Variants in ADCY7 observed in about 807,000 individuals in gnomAD.
ADCY7 encodes the protein adenylate cyclase 7, also known as adenylate cyclase type 7.
ADCY7 carries 72 observed loss-of-function variants against 120.6 expected under a neutral mutation model. That is an observed-to-expected ratio of 0.60 (90% confidence interval 0.49 to 0.73). The LOEUF is 0.73. Among genes scored for constraint, ADCY7 ranks in the 30% least tolerant of loss-of-function variants. ADCY7 has a pLI of 0.00. For synonymous variants in ADCY7, 661 were observed against 628.0 expected, an observed-to-expected ratio of 1.05 and a Z score of -0.78; for missense variants, 1,227 against 1,486.0, an observed-to-expected ratio of 0.83 and a Z score of 2.87.
At position 50,312,205 on chromosome 16, in the gene ADCY7, G is replaced by A. The variant is rs1199222882; in HGVS notation, c.2604+14G>A. The stretch of plus-strand genomic sequence containing the variant: ...AAGTTAAACGAGGTGTGCTGAGAAG[G>A]GGCTGGGGCGGGGGCAGGGAGGCGG... On this transcript the variant is annotated intron_variant, in intron 21 of 25. Transcript: ENST00000673801. The A allele has an allele frequency of 4.9e-6, 5 of 1,019,902 alleles. No individual in the cohort carries two copies. The highest frequency in any genetic ancestry group is 6.4e-6 in the Non-Finnish European group (5 of 782,916). The allele number at this position is 1,019,902 out of a possible 1,614,324, so 63.2% of individuals were successfully genotyped here. A position where few individuals can be genotyped will look rare whatever the true frequency, so the allele number is the denominator to read the frequency against.
rs912535144 is a variant in ADCY7, at chr16:50,298,661, C to T, written c.949-243C>T. On this transcript the variant is annotated intron_variant, in intron 7 of 25. Coordinates refer to ENST00000673801, the MANE Select transcript of ADCY7 (RefSeq NM_001114.5). ...AAATGAAACCAAGGCAGACCCCTCC[C>T]CGAGGCCCTTAGGAACACTCGTGTT... Among the ~76,000 whole-genome samples the T allele has an allele frequency of 3.9e-5, 6 of 152,220 alleles. No homozygotes were observed. The East Asian group carries it at 1.2e-3, about 29-fold the overall frequency.
chr16:50,311,812 C>CCCCCA, intron 20 of ADCY7, 26 bp downstream of exon 20: 1 of 1,341,754 alleles, frequency 7.5e-7, no homozygotes, highest in Non-Finnish European at 1.0e-6. Context: ...CCCCCCCCCC[C>CCCCCA]CCCAAGCTCT....
At chr16:50,269,815 G>A (rs114330861) in intron 1 of ADCY7, among the ~76,000 whole-genome samples, 1,907 of 152,322 alleles carry the variant, frequency 0.013, 38 homozygotes, top group African/African-American at 0.043. Flanking sequence ...AGCATGCAGA[G>A]TGGGTCACAG....
At position 50,290,630 on chromosome 16, in the gene ADCY7, A is replaced by G. The variant is rs370202574; in HGVS notation, c.345A>G (p.Ala115=). ...VALGYVLVFD[A]WTKAACAWEQ... ...TGGGCTATGTGCTGGTGTTCGACGC[A>G]TGGACAAAGGCGGCCTGTGCGTGGG... The change falls in exon 3 of 26, where the codon GCA becomes GCG. Residue 115 remains alanine (A), a synonymous_variant. Transcript: ENST00000673801. 9 of 1,614,024 alleles carry G rather than the reference A, an allele frequency of 5.6e-6. No homozygotes were observed. The highest frequency in any genetic ancestry group is 6.8e-6 in the Non-Finnish European group (8 of 1,179,958).
intron 1 of ADCY7, among the ~76,000 whole-genome samples, chr16:50,250,401 G>A (rs1379881942): frequency 6.8e-6 from 1 of 146,764 alleles, no homozygotes; most frequent in South Asian, 2.1e-4. Flanking sequence ...AGGTTGCAGT[G>A]AGCCGAGATC....
intron 1 of ADCY7, among the ~76,000 whole-genome samples, chr16:50,250,546 A>G (rs939663211): frequency 5.3e-5 from 8 of 150,708 alleles, no homozygotes; most frequent in Non-Finnish European, 8.8e-5. Flanking sequence ...TGGGAGGTTG[A>G]GGTGGGTGGA....
rs751575838 is a variant in ADCY7, at chr16:50,304,557, T to TC, written c.1560+11dup. On this transcript the variant is annotated splice_region_variant and intron_variant, in intron 11 of 25. Transcript: ENST00000673801. ...CCAACGGGCGGAGGCCTAAGGTAGGTCCCCCTCCCACCCAGAAAGCCAGGG... is the reference window on the plus strand; with the variant it reads ...CCAACGGGCGGAGGCCTAAGGTAGGTCCCCCCTCCCACCCAGAAAGCCAGGG... 1.5e-5 allele frequency: 23 copies of TC among 1,525,880 alleles called. No individual in the cohort carries two copies. The highest frequency in any genetic ancestry group is 4.2e-5 in the Admixed American group (2 of 47,236). The allele number at this position is 1,525,880 out of a possible 1,614,324, so 94.5% of individuals were successfully genotyped here. A position where few individuals can be genotyped will look rare whatever the true frequency, so the allele number is the denominator to read the frequency against.
At chr16:50,310,645 TG>T in intron 18 of ADCY7, 41 bp from the exon 19 acceptor site, 1 of 1,607,624 alleles carries the variant, frequency 6.2e-7, no homozygotes. Flanking sequence ...CGAGAGTACG[TG>T]GTGGGGTGGC....
intron 1 of ADCY7, among the ~76,000 whole-genome samples, chr16:50,280,981 A>AG (rs2034223212): frequency 6.9e-6 from 1 of 145,284 alleles, no homozygotes; most frequent in Admixed American, 6.8e-5. Flanking sequence ...GGGGCTATGG[A>AG]GGGGGAGCAG....
intron 18 of ADCY7, chr16:50,310,374 G>A (rs2036374624): frequency 1.6e-6 from 2 of 1,281,148 alleles, no homozygotes; most frequent in African/African-American, 1.5e-5. Flanking sequence ...GGGAGGGTAA[G>A]CTCACAAAAA....
intron 1 of ADCY7, among the ~76,000 whole-genome samples, chr16:50,257,597 A>C (rs2032951020): frequency 6.6e-6 from 1 of 152,130 alleles, no homozygotes. Flanking sequence ...AATTTACAAT[A>C]AAATTAAAAA....
intron 17 of ADCY7, chr16:50,309,344 C>G: frequency 1.8e-6 from 1 of 542,126 alleles, no homozygotes. Context: ...TGTCTGCACC[C>G]TCATCTCCTA....
At chr16:50,289,332 G>A (rs908640928) in intron 2 of ADCY7, 8 of 441,932 alleles carry the variant, frequency 1.8e-5, no homozygotes, top group East Asian at 7.9e-5. Context: ...CACTGTGCCC[G>A]GCCTCAGAAT....
At chr16:50,296,182 A>G (rs2035337507) in intron 7 of ADCY7, among the ~76,000 whole-genome samples, 1 of 152,130 alleles carries the variant, frequency 6.6e-6, no homozygotes, top group Non-Finnish European at 1.5e-5. Context: ...CCTCCCGAGC[A>G]GCTGTGACTA....
At chr16:50,245,965 G>C (rs977313809), upstream of ADCY7, among the ~76,000 whole-genome samples, 1 of 148,928 alleles carries the variant, frequency 6.7e-6, no homozygotes, top group Non-Finnish European at 1.5e-5. Context: ...GGGGTGGGGT[G>C]GGGTGGGGTG....
intron 1 of ADCY7, among the ~76,000 whole-genome samples, chr16:50,286,371 A>C (rs1232074990): frequency 4.1e-5 from 6 of 146,720 alleles, no homozygotes; most frequent in Admixed American, 2.7e-4. Flanking sequence ...TTGAGGCTGC[A>C]GCGGGCTATG....
chr16:50,252,344 T>G (rs960182327), intron 1 of ADCY7, among the ~76,000 whole-genome samples: 1 of 152,022 alleles, frequency 6.6e-6, no homozygotes, highest in Admixed American at 6.6e-5. Flanking sequence ...ATGCCACTGG[T>G]CCCCCGCCAG....
chr16:50,264,942 T>A (rs915170827), upstream of ADCY7, among the ~76,000 whole-genome samples: 2 of 151,656 alleles, frequency 1.3e-5, no homozygotes, highest in African/African-American at 4.9e-5. Flanking sequence ...GTTCAAGTGA[T>A]TCTCCTGCCT....
At position 50,291,853 on chromosome 16, in the gene ADCY7, T is replaced by C; in HGVS notation, c.493T>C (p.Leu165=). The C allele has an allele frequency of 6.2e-7, 1 of 1,613,888 alleles. No homozygotes were observed. Among genetic ancestry groups the C allele is most frequent in the Non-Finnish European group, 8.5e-7 (1 of 1,179,880 alleles). Residue 165 remains leucine, a synonymous_variant, in exon 4 of 26, where the codon TTG becomes CTG. Coordinates refer to ENST00000673801, the MANE Select transcript of ADCY7 (RefSeq NM_001114.5). ...CTCCCACCTCCTGGTGCTCGGTTCT[T>C]TGATGGGAGGCTTCACGACACCCAG... ...TASHLLVLGS[L]MGGFTTPSVR... is the part of the protein sequence containing the mutation.
Sources: gnomAD v4.1 joint callset for allele counts (sites outside exome capture counted in the v4.1 genomes callset) on GRCh38, gnomAD v4.1.1 for gene constraint, MANE v1.5 for transcripts, NCBI Gene and HGNC (gene_info 2026-07-23, HGNC 2026-07-21) for gene names.